ROBO2: variants seen among roughly 807,000 people sequenced by gnomAD.
The protein encoded by ROBO2 is roundabout homolog 2.
In ROBO2, 53 loss-of-function variants were observed where a neutral mutation model predicts 160.8. The ratio of observed to expected loss-of-function variants is 0.33; its 90% CI spans 0.26 to 0.41. The LOEUF is 0.41. ROBO2 is among the 10% of genes least tolerant of loss of function. The pLI is 1.00. For synonymous variants in ROBO2, 664 were observed against 611.7 expected (o/e 1.09, Z -1.26); for missense variants, 1,577 against 1,722.4 (o/e 0.92, Z 1.49).
chr3:77,130,681 C>G (rs145762290), intron 2 of ROBO2, among the ~76,000 whole-genome samples: 1 of 152,252 alleles, frequency 6.6e-6, no homozygotes, highest in Non-Finnish European at 1.5e-5. Flanking sequence ...ACTACAGTCA[C>G]CATGCTTTAT....
intron 2 of ROBO2, among the ~76,000 whole-genome samples, chr3:77,166,278 A>G (rs563058071): frequency 3.0e-4 from 45 of 152,270 alleles, no homozygotes; most frequent in South Asian, 2.9e-3. Context: ...AAAAAGAAAA[A>G]AAAGAAAAAA....
At chr3:76,794,059 T>TGC (rs2061811279) in intron 2 of ROBO2, among the ~76,000 whole-genome samples, 2 of 151,946 alleles carry the variant, frequency 1.3e-5, no homozygotes, top group African/African-American at 4.8e-5. Flanking sequence ...TTGGTTCTAA[T>TGC]GCCTTGAATC....
At chr3:77,540,196 A>G (rs1488193170) in intron 6 of ROBO2, among the ~76,000 whole-genome samples, 1 of 152,232 alleles carries the variant, frequency 6.6e-6, no homozygotes, top group Non-Finnish European at 1.5e-5. Context: ...GTATAGAAAG[A>G]GAAAAGTAAT....
chr3:76,892,840 C>T (rs1320696643), intron 2 of ROBO2, among the ~76,000 whole-genome samples: 4 of 152,190 alleles, frequency 2.6e-5, no homozygotes, highest in African/African-American at 9.7e-5. Flanking sequence ...CTCTATCCTC[C>T]TCAAACCTAT....
At chr3:77,160,693 A>G (rs959573543) in intron 2 of ROBO2, among the ~76,000 whole-genome samples, 2 of 152,186 alleles carry the variant, frequency 1.3e-5, no homozygotes, top group African/African-American at 2.4e-5. Flanking sequence ...AGTTGCCTAC[A>G]TGTGGTACAG....
chr3:76,273,122 T>C (rs763668098), intron 2 of ROBO2, among the ~76,000 whole-genome samples: 4,484 of 13,908 alleles, frequency 0.32, 152 homozygotes, highest in Non-Finnish European at 0.47. Flanking sequence ...CACATATAAA[T>C]ATATATATAT....
chr3:77,045,741 C>T (rs538626595), intron 1 of ROBO2, among the ~76,000 whole-genome samples: 1 of 152,286 alleles, frequency 6.6e-6, no homozygotes, highest in South Asian at 2.1e-4. Context: ...TTCTTAATTA[C>T]CCAAGAAAGA....
rs557516292 is a variant in ROBO2, at chr3:77,080,718, G to C, written c.62-17296G>C. Among the ~76,000 whole-genome samples, 14 of 152,258 alleles carry C rather than the reference G, an allele frequency of 9.2e-5. No homozygotes were observed. The East Asian group carries it at 2.7e-3, about 29-fold the overall frequency. ...CTGAGCTAGCTACAGTTGACGGTAA[G>C]GGTAGACCTGTGTCCTTTTCCTGAT... On this transcript the variant is annotated intron_variant, in intron 1 of 25. Transcript: ENST00000461745.
chr3:76,227,564 A>C (rs1294340461), intron 2 of ROBO2, among the ~76,000 whole-genome samples: 1 of 152,170 alleles, frequency 6.6e-6, no homozygotes, highest in African/African-American at 2.4e-5. Context: ...TTCATTTTTG[A>C]TAGCATCTAT....
chr3:76,141,074 T>C, intron 2 of ROBO2, among the ~76,000 whole-genome samples: 1 of 119,218 alleles, frequency 8.4e-6, no homozygotes, highest in Non-Finnish European at 1.7e-5. Context: ...TATATATATA[T>C]ATAAAATATA....
rs139378833 is a variant in ROBO2, at chr3:76,747,092, C to G, written c.110-350922C>G. Among the ~76,000 whole-genome samples, 990 of 152,122 alleles carry G rather than the reference C, an allele frequency of 6.5e-3. 6 individuals carry two copies. Among genetic ancestry groups the G allele is most frequent in the Middle Eastern group, 0.024 (7 of 294 alleles). Reference sequence around the variant, plus strand: ...GTTGATTCCATGTCTTTGCTATTGTCAATAGTGCTGCAATAAACATATGCG... The same window carrying G: ...GTTGATTCCATGTCTTTGCTATTGTGAATAGTGCTGCAATAAACATATGCG... On this transcript the variant is annotated intron_variant, in intron 2 of 26. Transcript: ENST00000487694.
At chr3:77,467,587 G>GTATCTATC (rs59640984) in intron 2 of ROBO2, among the ~76,000 whole-genome samples, 2,848 of 148,214 alleles carry the variant, frequency 0.019, 37 homozygotes, top group Non-Finnish European at 0.022. Flanking sequence ...CTATCTGTCT[G>GTATCTATC]TATCTATCTA....
intron 16 of ROBO2, among the ~76,000 whole-genome samples, chr3:77,585,892 A>G (rs1006278915): frequency 2.6e-5 from 4 of 152,082 alleles, no homozygotes; most frequent in African/African-American, 7.2e-5. Context: ...CGGCACTTGA[A>G]GTGACTCAAA....
intron 2 of ROBO2, among the ~76,000 whole-genome samples, chr3:76,802,787 G>A (rs2064327598): frequency 6.6e-6 from 1 of 151,112 alleles, no homozygotes; most frequent in South Asian, 2.1e-4. Flanking sequence ...AAAAATAATT[G>A]AGTTTGGTGT....
chr3:76,518,797 G>A (rs946947113), intron 2 of ROBO2, among the ~76,000 whole-genome samples: 64 of 152,130 alleles, frequency 4.2e-4, no homozygotes, highest in African/African-American at 1.4e-3. Flanking sequence ...AAATTCCCTG[G>A]TGCATAGTGT....
At chr3:76,925,590 G>A (rs1346409876) in intron 2 of ROBO2, among the ~76,000 whole-genome samples, 2 of 152,066 alleles carry the variant, frequency 1.3e-5, no homozygotes, top group African/African-American at 4.8e-5. Context: ...ACTAAAAAGG[G>A]TAGAATATTG....
chr3:77,206,062 G>T (rs904708989), intron 2 of ROBO2, among the ~76,000 whole-genome samples: 1 of 152,056 alleles, frequency 6.6e-6, no homozygotes, highest in Non-Finnish European at 1.5e-5. Context: ...TTCCTTGGTT[G>T]GGCTGCGTAA....
intron 2 of ROBO2, among the ~76,000 whole-genome samples, chr3:77,472,793 C>T (rs1051344240): frequency 6.6e-6 from 1 of 151,940 alleles, no homozygotes. Context: ...ACAATGTACA[C>T]CTGTTAGAAA....
At chr3:77,404,374 A>C (rs1041872534) in intron 2 of ROBO2, among the ~76,000 whole-genome samples, 1 of 152,172 alleles carries the variant, frequency 6.6e-6, no homozygotes, top group Non-Finnish European at 1.5e-5. Flanking sequence ...GTCTTCTAAC[A>C]GTTGTTGGAC....
Sources: allele counts gnomAD v4.1 joint callset (sites outside exome capture counted in the v4.1 genomes callset), GRCh38; gene constraint gnomAD v4.1.1; transcripts MANE v1.5; gene names NCBI Gene and HGNC (gene_info 2026-07-23, HGNC 2026-07-21).